SHISA9: variants seen among roughly 807,000 people sequenced by gnomAD.
The protein encoded by SHISA9 is shisa family member 9.
Under a neutral mutation model 38.0 loss-of-function variants are expected in SHISA9, and 13 were observed. The observed-to-expected ratio is 0.34, with a 90% CI of 0.22 to 0.54. The LOEUF is 0.54. SHISA9 is among the 20% of genes least tolerant of loss of function. The pLI, the probability that SHISA9 is intolerant of heterozygous loss-of-function variation, is 0.91. For synonymous variants in SHISA9, 275 were observed against 242.0 expected (o/e 1.14, Z -1.27); for missense variants, 538 against 575.8 (o/e 0.93, Z 0.67).
At chr16:13,276,275 T>TATATATATATATAGCA in the SHISA9 span, among the ~76,000 whole-genome samples, 1 of 151,696 alleles carries the variant, frequency 6.6e-6, no homozygotes, top group African/African-American at 2.4e-5. Context: ...TAGTATTCCA[T>TATATATATATATAGCA]CATATATATA....
At chr16:12,911,080 G>C (rs1801286063) in intron 1 of SHISA9, 1 of 202,564 alleles carries the variant, frequency 4.9e-6, no homozygotes, top group Non-Finnish European at 8.8e-6. Context: ...ACCCAGTCAA[G>C]TTGACACATG....
At chr16:13,450,031 C>T in the SHISA9 span, among the ~76,000 whole-genome samples, 13 of 152,150 alleles carry the variant, frequency 8.5e-5, no homozygotes, top group Admixed American at 1.3e-4. Context: ...GCAGAAGAAT[C>T]GCTTGAACCT....
the SHISA9 span, among the ~76,000 whole-genome samples, chr16:13,273,908 A>C: frequency 6.6e-6 from 1 of 152,186 alleles, no homozygotes; most frequent in African/African-American, 2.4e-5. Context: ...CCAATAGGAC[A>C]GTCTCCCAGG....
chr16:13,227,959 G>A (rs1335707914), intron 4 of SHISA9, among the ~76,000 whole-genome samples: 3 of 152,204 alleles, frequency 2.0e-5, no homozygotes, highest in Non-Finnish European at 4.4e-5. Flanking sequence ...TTAATCCAGG[G>A]CTTCTTTCTT....
intron 2 of SHISA9, among the ~76,000 whole-genome samples, chr16:12,992,362 T>TAA (rs34729407): frequency 0.16 from 17,816 of 113,418 alleles, 1,370 homozygotes; most frequent in East Asian, 0.2. Context: ...CCATCTCTAC[T>TAA]AAAAAAAAAA....
chr16:13,299,091 C>T, the SHISA9 span, among the ~76,000 whole-genome samples: 1 of 152,190 alleles, frequency 6.6e-6, no homozygotes. Context: ...CCAGTGACCT[C>T]CAGCTCATCT....
chr16:13,344,631 A>G, the SHISA9 span, among the ~76,000 whole-genome samples: 69,032 of 152,094 alleles, frequency 0.45, 17,068 homozygotes, highest in East Asian at 0.77. Flanking sequence ...GGCAACAATA[A>G]TGACACAATG....
the SHISA9 span, among the ~76,000 whole-genome samples, chr16:13,518,977 C>G: frequency 6.6e-6 from 1 of 152,144 alleles, no homozygotes; most frequent in Non-Finnish European, 1.5e-5. Context: ...GAGCAGAGCA[C>G]TCATGGGCTG....
At chr16:13,544,638 G>C in the SHISA9 span, among the ~76,000 whole-genome samples, 1 of 151,934 alleles carries the variant, frequency 6.6e-6, no homozygotes, top group Admixed American at 6.6e-5. Context: ...TGTGAGTTTG[G>C]AGCCTTGTAG....
chr16:13,382,897 A>T, the SHISA9 span, among the ~76,000 whole-genome samples: 1 of 152,204 alleles, frequency 6.6e-6, no homozygotes, highest in African/African-American at 2.4e-5. Flanking sequence ...AAAAATTGTT[A>T]TAACACTTTT....
chr16:13,438,106 TCCAC>T, the SHISA9 span, among the ~76,000 whole-genome samples: 1 of 152,164 alleles, frequency 6.6e-6, no homozygotes, highest in Non-Finnish European at 1.5e-5. Flanking sequence ...CCTCAGGTAA[TCCAC>T]CCACCTCGGC....
chr16:13,542,242 ATG>A, the SHISA9 span, among the ~76,000 whole-genome samples: 13 of 152,156 alleles, frequency 8.5e-5, no homozygotes, highest in Non-Finnish European at 1.9e-4. Flanking sequence ...CCATGAGATA[ATG>A]TATATCTATT....
chr16:13,371,087 C>G, the SHISA9 span, among the ~76,000 whole-genome samples: 3 of 152,322 alleles, frequency 2.0e-5, no homozygotes, highest in East Asian at 3.9e-4. Flanking sequence ...TTAACCTTTA[C>G]AATCCTACGT....
chr16:13,082,847 G>C lies in SHISA9; in HGVS notation c.692-120547G>C, dbSNP rs527844287. ...AATAGGAATAAGGAAAAGATGGAAA[G>C]TTCATCCCATCCAGAGGTGACCAAG... is the stretch of plus-strand genomic sequence containing the variant. On this transcript the variant is annotated intron_variant, in intron 2 of 4. Coordinates refer to ENST00000558583, the MANE Select transcript of SHISA9 (RefSeq NM_001145204.3). Among the ~76,000 whole-genome samples the C allele has an allele frequency of 3.3e-5, 5 of 152,342 alleles. No individual in the cohort carries two copies. In the East Asian group the frequency reaches 9.6e-4, roughly 29 times the overall value.
At chr16:13,132,068 G>T (rs1238609434) in intron 2 of SHISA9, among the ~76,000 whole-genome samples, 2 of 152,148 alleles carry the variant, frequency 1.3e-5, no homozygotes, top group Non-Finnish European at 2.9e-5. Context: ...AGGACAATGT[G>T]TCTGTTTCTA....
At chr16:13,304,654 T>G in the SHISA9 span, among the ~76,000 whole-genome samples, 7 of 152,230 alleles carry the variant, frequency 4.6e-5, no homozygotes, top group Admixed American at 2.6e-4. Flanking sequence ...TGTTTTGAGG[T>G]CTAAGAGTGT....
the SHISA9 span, among the ~76,000 whole-genome samples, chr16:13,343,249 A>G: frequency 6.6e-6 from 1 of 152,300 alleles, no homozygotes; most frequent in African/African-American, 2.4e-5. Context: ...ATCTCTCAAT[A>G]TCTCTAGTTA....
the SHISA9 span, among the ~76,000 whole-genome samples, chr16:13,399,980 C>A: frequency 1.3e-5 from 2 of 152,184 alleles, no homozygotes; most frequent in Non-Finnish European, 2.9e-5. Flanking sequence ...GCCATTTTGC[C>A]AATGCTTTCA....
chr16:13,341,401 C>A, the SHISA9 span, among the ~76,000 whole-genome samples: 2 of 152,094 alleles, frequency 1.3e-5, no homozygotes, highest in Non-Finnish European at 2.9e-5. Flanking sequence ...CTCTTCCCTG[C>A]AACCCAATAA....
Sources: allele counts gnomAD v4.1 joint callset (sites outside exome capture counted in the v4.1 genomes callset), GRCh38; gene constraint gnomAD v4.1.1; transcripts MANE v1.5; gene names NCBI Gene and HGNC (gene_info 2026-07-23, HGNC 2026-07-21).